The following NOSTRIN variants were observed in gnomAD, a reference collection of about 807,000 sequenced individuals.
NOSTRIN encodes the protein nitric oxide synthase trafficking, also known as BM247 homolog.
In NOSTRIN, 63 loss-of-function variants were observed where a neutral mutation model predicts 59.0. The observed-to-expected ratio is 1.07, with a 90% CI of 0.87 to 1.32. NOSTRIN has a LOEUF of 1.32. NOSTRIN is among the 40% of genes most tolerant of loss of function. The pLI, the probability that NOSTRIN is intolerant of heterozygous loss-of-function variation, is 0.00. For synonymous variants in NOSTRIN, 200 were observed against 165.4 expected, an observed-to-expected ratio of 1.21 and a Z score of -1.61; for missense variants, 512 against 473.1, an observed-to-expected ratio of 1.08 and a Z score of -0.76.
chr2:168,865,512 A>G lies in NOSTRIN; in HGVS notation c.*542A>G, dbSNP rs1319450597. On this transcript the variant is annotated 3_prime_UTR_variant, in exon 16 of 16. Transcript: ENST00000317647. Reference sequence around the variant, plus strand: ...TATCTCTGACAAACCCACAGCCAATATCATACTGAATGGACAAAAACTGGA... The same window carrying G: ...TATCTCTGACAAACCCACAGCCAATGTCATACTGAATGGACAAAAACTGGA... 2.6e-5 allele frequency: 4 copies of G among 153,162 alleles called. No individual in the cohort carries two copies. Among genetic ancestry groups the G allele is most frequent in the Non-Finnish European group, 5.8e-5 (4 of 68,770 alleles). The allele number at this position is 153,162 out of a possible 1,614,324, so 9.5% of individuals were successfully genotyped here. A position where few individuals can be genotyped will look rare whatever the true frequency, so the allele number is the denominator to read the frequency against.
At chr2:168,840,573 T>TGTAG (rs1443804540) in intron 7 of NOSTRIN, among the ~76,000 whole-genome samples, 5 of 150,296 alleles carry the variant, frequency 3.3e-5, no homozygotes, top group Non-Finnish European at 5.9e-5. Context: ...ATATGTCCTG[T>TGTAG]GTAGGTCATG....
chr2:168,837,332 T>C (rs1687792724), intron 7 of NOSTRIN, among the ~76,000 whole-genome samples: 1 of 124,688 alleles, frequency 8.0e-6, no homozygotes, highest in Non-Finnish European at 1.7e-5. Flanking sequence ...TTTTTTGAGA[T>C]GGAGTCTTGC....
intron 8 of NOSTRIN, among the ~76,000 whole-genome samples, chr2:168,849,332 A>AT (rs781116540): frequency 1.3e-5 from 2 of 151,598 alleles, no homozygotes; most frequent in African/African-American, 4.9e-5. Flanking sequence ...CAGGCCTTGT[A>AT]TTTTTTCTTT....
At chr2:168,858,282 C>A (rs1464587293) in intron 12 of NOSTRIN, among the ~76,000 whole-genome samples, 1 of 152,196 alleles carries the variant, frequency 6.6e-6, no homozygotes, top group Non-Finnish European at 1.5e-5. Flanking sequence ...GAAGGAGCAA[C>A]TATGAACCTT....
At chr2:168,804,716 C>T (rs1207937462) in intron 1 of NOSTRIN, among the ~76,000 whole-genome samples, 1 of 152,086 alleles carries the variant, frequency 6.6e-6, no homozygotes, top group Non-Finnish European at 1.5e-5. Flanking sequence ...CGGGCCCACA[C>T]CAATGTACCC....
intron 7 of NOSTRIN, among the ~76,000 whole-genome samples, 182 bp downstream of exon 7, chr2:168,834,507 G>GCGCGCGCGCGCACACACACACACACA (rs756381301): frequency 2.4e-4 from 30 of 125,334 alleles, no homozygotes; most frequent in Admixed American, 6.1e-4. Flanking sequence ...GCGCGCGCGC[G>GCGCGCGCGCGCACACACACACACACA]CACACACACA....
At chr2:168,864,140 G>A (rs1689687382) in intron 15 of NOSTRIN, among the ~76,000 whole-genome samples, 1 of 151,988 alleles carries the variant, frequency 6.6e-6, no homozygotes, top group Admixed American at 6.6e-5. Flanking sequence ...GCTAATTTTT[G>A]TATTTTTAGT....
intron 1 of NOSTRIN, among the ~76,000 whole-genome samples, chr2:168,803,432 G>A (rs1201129273): frequency 6.6e-6 from 1 of 152,214 alleles, no homozygotes; most frequent in Non-Finnish European, 1.5e-5. Flanking sequence ...GACATCATAA[G>A]CAGGAGGTTG....
intron 1 of NOSTRIN, chr2:168,811,336 T>C (rs1432858015): frequency 3.7e-6 from 1 of 269,616 alleles, no homozygotes. Context: ...AGGGGAGAAA[T>C]AGATCAGCTT....
chr2:168,820,872 C>T (rs1007061397), intron 2 of NOSTRIN, among the ~76,000 whole-genome samples: 2 of 152,108 alleles, frequency 1.3e-5, no homozygotes, highest in African/African-American at 4.8e-5. Flanking sequence ...TCTGCTTAGC[C>T]TCAGAGACAC....
chr2:168,861,977 C>T lies in NOSTRIN; in HGVS notation c.1312C>T (p.Leu438Phe), dbSNP rs2105797144. 1 of 1,614,214 alleles carries T rather than the reference C, an allele frequency of 6.2e-7. No individual in the cohort carries two copies. Among genetic ancestry groups the T allele is most frequent in the Non-Finnish European group, 8.5e-7 (1 of 1,180,006 alleles). The stretch of plus-strand genomic sequence containing the variant: ...TATTTCAGCCCCTGGTGCAGCCCAG[C>T]TCAGCAGCAGACTTTGCAAGGCCTT... Reference protein sequence around the residue: ...SSTPAPGAAQLSSRLCKALYS... With the variant: ...SSTPAPGAAQFSSRLCKALYS... The change falls in exon 15 of 16, where the codon CTC becomes TTC. Residue 438 changes from leucine to phenylalanine, a missense_variant. Leu to Phe is a conservative substitution (Grantham distance 22). Coordinates refer to ENST00000317647, the MANE Select transcript of NOSTRIN (RefSeq NM_001039724.4).
At chr2:168,809,318 A>G (rs1264236650) in intron 1 of NOSTRIN, among the ~76,000 whole-genome samples, 1 of 152,196 alleles carries the variant, frequency 6.6e-6, no homozygotes, top group Non-Finnish European at 1.5e-5. Context: ...AAAAGAGGGC[A>G]AACAAGCCTT....
At chr2:168,796,021 A>G (rs1257164206), upstream of NOSTRIN, among the ~76,000 whole-genome samples, 1 of 152,170 alleles carries the variant, frequency 6.6e-6, no homozygotes, top group Non-Finnish European at 1.5e-5. Context: ...AGCTTTGGAG[A>G]GATATGGAAA....
At chr2:168,808,631 A>G (rs966493682) in intron 1 of NOSTRIN, among the ~76,000 whole-genome samples, 8 of 152,260 alleles carry the variant, frequency 5.3e-5, no homozygotes, top group African/African-American at 7.2e-5. Flanking sequence ...ACTGTGAGAT[A>G]TTTCTAAATA....
At chr2:168,793,246 C>A (rs530104386), upstream of NOSTRIN, among the ~76,000 whole-genome samples, 32 of 152,272 alleles carry the variant, frequency 2.1e-4, no homozygotes, top group Admixed American at 5.9e-4. Context: ...CCCCACTCTT[C>A]CTAATCCTTA....
intron 8 of NOSTRIN, among the ~76,000 whole-genome samples, chr2:168,850,505 A>G (rs1688695659): frequency 1.3e-5 from 2 of 152,124 alleles, no homozygotes; most frequent in Admixed American, 1.3e-4. Context: ...TGAATGTACT[A>G]TAAACAATTC....
intron 2 of NOSTRIN, among the ~76,000 whole-genome samples, chr2:168,820,718 C>A (rs368417582): frequency 5.3e-3 from 705 of 132,682 alleles, no homozygotes; most frequent in Middle Eastern, 0.011. Flanking sequence ...AAAAGCTGGC[C>A]AAAAAAAAAA....
chr2:168,819,256 C>T (rs779234837), intron 2 of NOSTRIN, among the ~76,000 whole-genome samples: 1 of 152,086 alleles, frequency 6.6e-6, no homozygotes, highest in Non-Finnish European at 1.5e-5. Flanking sequence ...GTGGGGTGTG[C>T]CTTGCTGCCT....
Position 168,827,160 on chromosome 2 carries a change from C to G in NOSTRIN, c.198-998C>G, listed in dbSNP as rs111698524. 4.9e-3 allele frequency among the ~76,000 whole-genome samples: 746 copies of G among 152,294 alleles called. 5 individuals are homozygous for G. Among genetic ancestry groups the G allele is most frequent in the African/African-American group, 0.017 (695 of 41,554 alleles). ...CCACCCCCTTCCTCTTCATCAAAAT[C>G]TACACAGGCCTCTGTACCTGGGGTT... On this transcript the variant is annotated intron_variant, in intron 3 of 15. Transcript: ENST00000317647.
Sources: allele counts gnomAD v4.1 joint callset (sites outside exome capture counted in the v4.1 genomes callset), GRCh38; gene constraint gnomAD v4.1.1; transcripts MANE v1.5; gene names NCBI Gene and HGNC (gene_info 2026-07-23, HGNC 2026-07-21).